Variants in PTPRD observed in about 807,000 individuals in gnomAD.
PTPRD encodes the protein receptor-type tyrosine-protein phosphatase delta.
PTPRD carries 34 observed loss-of-function variants against 214.5 expected under a neutral mutation model. That is an observed-to-expected ratio of 0.16 (90% CI 0.12 to 0.21). The LOEUF (loss-of-function observed/expected upper bound fraction) is 0.21, where lower values mean the gene tolerates loss of function less well. PTPRD is among the 10% of genes least tolerant of loss of function. PTPRD has a pLI of 1.00. For synonymous variants in PTPRD, 1,128 were observed against 845.7 expected, an observed-to-expected ratio of 1.33 and a Z score of -5.79; for missense variants, 2,545 against 2,398.7, an observed-to-expected ratio of 1.06 and a Z score of -1.27.
intron 14 of PTPRD, among the ~76,000 whole-genome samples, chr9:8,603,436 CA>C (rs1031296185): frequency 2.6e-5 from 4 of 152,136 alleles, no homozygotes; most frequent in Non-Finnish European, 5.9e-5. Context: ...TCAGTGGTTT[CA>C]AAAGTATTTA....
chr9:9,290,394 C>A (rs576684409), intron 9 of PTPRD, among the ~76,000 whole-genome samples: 1 of 151,684 alleles, frequency 6.6e-6, no homozygotes, highest in African/African-American at 2.4e-5. Context: ...TATTTTCTCC[C>A]ATTTTGTATG....
intron 36 of PTPRD, among the ~76,000 whole-genome samples, chr9:8,394,022 A>T (rs900581059): frequency 6.6e-6 from 1 of 152,132 alleles, no homozygotes; most frequent in African/African-American, 2.4e-5. Flanking sequence ...TTCATGCACA[A>T]CAAGCCATAG....
intron 44 of PTPRD, among the ~76,000 whole-genome samples, chr9:8,330,810 G>C (rs1378279071): frequency 6.6e-6 from 1 of 151,692 alleles, no homozygotes; most frequent in African/African-American, 2.4e-5. Flanking sequence ...TCTTTGATGT[G>C]CTGAAGCAAA....
chr9:9,481,980 A>G (rs932959624), intron 8 of PTPRD, among the ~76,000 whole-genome samples: 1 of 152,150 alleles, frequency 6.6e-6, no homozygotes, highest in Non-Finnish European at 1.5e-5. Context: ...TCAATGTTTC[A>G]CTTTCATCAT....
intron 3 of PTPRD, among the ~76,000 whole-genome samples, chr9:10,049,235 G>C (rs2097473176): frequency 1.3e-5 from 2 of 152,010 alleles, no homozygotes; most frequent in South Asian, 4.1e-4. Context: ...ATCTAGCGCA[G>C]CCTCCTCATT....
chr9:10,534,490 T>C (rs1045152854), intron 2 of PTPRD, among the ~76,000 whole-genome samples: 2 of 152,082 alleles, frequency 1.3e-5, no homozygotes, highest in Admixed American at 1.3e-4. Flanking sequence ...GCAAAAGCAA[T>C]GGTTTTGATA....
Position 10,567,691 on chromosome 9 carries a change from T to TA in PTPRD, c.-600+44706dup, listed in dbSNP as rs1420487054. On this transcript the variant is annotated intron_variant, in intron 2 of 45. Transcript: ENST00000381196. ...ACAAACTTTTAAATACACATTGTTT[T>TA]AAAAAAACCTTTGGTTTTTCTACTA... Among the ~76,000 whole-genome samples, 23 of 152,028 alleles carry TA rather than the reference T, an allele frequency of 1.5e-4. No homozygotes were observed. In the South Asian group the frequency reaches 2.7e-3, roughly 18 times the overall value.
chr9:10,310,997 A>T (rs2096252245), intron 3 of PTPRD, among the ~76,000 whole-genome samples: 1 of 152,086 alleles, frequency 6.6e-6, no homozygotes. Flanking sequence ...AACCAATTTG[A>T]TTGCAAACTT....
chr9:10,394,957 C>CT (rs34786789), intron 2 of PTPRD, among the ~76,000 whole-genome samples: 35,057 of 132,870 alleles, frequency 0.26, 6,098 homozygotes, highest in East Asian at 0.67. Flanking sequence ...TTTTCTTTTT[C>CT]TTTTTTTTTT....
intron 7 of PTPRD, among the ~76,000 whole-genome samples, chr9:9,616,115 G>C (rs1250605470): frequency 6.6e-6 from 1 of 152,070 alleles, no homozygotes. Context: ...AATTGATACG[G>C]TAATATACAG....
intron 39 of PTPRD, among the ~76,000 whole-genome samples, chr9:8,362,669 A>C (rs1052816499): frequency 6.6e-6 from 1 of 152,210 alleles, no homozygotes; most frequent in Non-Finnish European, 1.5e-5. Context: ...AAAACCAATC[A>C]CCATCATCAT....
At chr9:9,064,839 T>C (rs2099722988) in intron 10 of PTPRD, among the ~76,000 whole-genome samples, 1 of 152,198 alleles carries the variant, frequency 6.6e-6, no homozygotes. Flanking sequence ...AAGAAATTAA[T>C]ACTGAAATAA....
At chr9:10,162,663 GTATATGTATATACA>G (rs1455047872) in intron 3 of PTPRD, among the ~76,000 whole-genome samples, 1 of 143,592 alleles carries the variant, frequency 7.0e-6, no homozygotes, top group Non-Finnish European at 1.5e-5. Flanking sequence ...ATATATACAT[GTATATGTATATACA>G]TGTATATATG....
At chr9:9,102,342 G>C (rs2099792531) in intron 10 of PTPRD, among the ~76,000 whole-genome samples, 1 of 152,206 alleles carries the variant, frequency 6.6e-6, no homozygotes, top group Admixed American at 6.5e-5. Flanking sequence ...CCAACAGGTA[G>C]TGCCTGAGTA....
rs71500962 is a variant in PTPRD, at chr9:8,726,026, GACACAC to G, written c.64+7748_64+7753del. Among the ~76,000 whole-genome samples, 363 of 139,584 alleles carry G rather than the reference GACACAC, an allele frequency of 2.6e-3. 1 individual carries two copies. The highest frequency in any genetic ancestry group is 3.9e-3 in the African/African-American group (140 of 35,592). The allele number at this position is 139,584 out of a possible 152,430, so 91.6% of individuals were successfully genotyped here. ...CACATAGCAGACAGACAGACAGACA[GACACAC>G]ACACACACACACACACACACACACA... On this transcript the variant is annotated intron_variant, in intron 12 of 45. Coordinates refer to ENST00000381196, the MANE Select transcript of PTPRD (RefSeq NM_002839.4).
chr9:8,885,194 G>T (rs558535155), intron 11 of PTPRD, among the ~76,000 whole-genome samples: 18 of 152,204 alleles, frequency 1.2e-4, no homozygotes, highest in African/African-American at 4.1e-4. Flanking sequence ...GGCTGTGCTA[G>T]GTCCTTTACT....
At chr9:9,077,819 G>A (rs904528093) in intron 10 of PTPRD, among the ~76,000 whole-genome samples, 4 of 151,996 alleles carry the variant, frequency 2.6e-5, no homozygotes, top group Non-Finnish European at 5.9e-5. Flanking sequence ...AATGACCCCA[G>A]CTTAACCTGA....
At chr9:9,461,621 GC>G (rs1233886141) in intron 8 of PTPRD, among the ~76,000 whole-genome samples, 1 of 152,054 alleles carries the variant, frequency 6.6e-6, no homozygotes, top group African/African-American at 2.4e-5. Context: ...TCAGGAAAAT[GC>G]CCATATACTC....
At chr9:8,676,119 C>G (rs1434728370) in intron 12 of PTPRD, among the ~76,000 whole-genome samples, 9 of 152,166 alleles carry the variant, frequency 5.9e-5, no homozygotes, top group African/African-American at 2.2e-4. Context: ...ACTCCTAATA[C>G]TTTTTTGTAT....
Sources: gnomAD v4.1 joint callset for allele counts (sites outside exome capture counted in the v4.1 genomes callset) on GRCh38, gnomAD v4.1.1 for gene constraint, MANE v1.5 for transcripts, NCBI Gene and HGNC (gene_info 2026-07-23, HGNC 2026-07-21) for gene names.